The following DENND1A variants were observed in gnomAD, a reference collection of about 807,000 sequenced individuals.
DENND1A encodes DENN domain-containing protein 1A.
A neutral mutation model predicts 113.7 loss-of-function variants in DENND1A; 51 were observed. The observed-to-expected ratio is 0.45, with a 90% CI of 0.36 to 0.57. The LOEUF is 0.57. Among genes scored for constraint, DENND1A ranks in the 20% least tolerant of loss-of-function variants. The probability of loss-of-function intolerance (pLI) is 0.00; values close to 1 mark genes in which losing one functional copy is unlikely to be tolerated. For synonymous variants in DENND1A, 565 were observed against 570.8 expected, an observed-to-expected ratio of 0.99 and a Z score of 0.14; for missense variants, 1,258 against 1,395.9, an observed-to-expected ratio of 0.90 and a Z score of 1.57.
chr9:123,899,105 C>T (rs770688952), intron 1 of DENND1A, among the ~76,000 whole-genome samples: 46 of 152,306 alleles, frequency 3.0e-4, no homozygotes, highest in Non-Finnish European at 5.1e-4. Flanking sequence ...CTTATTCATT[C>T]ATGCCCATAA....
intron 13 of DENND1A, among the ~76,000 whole-genome samples, chr9:123,465,929 A>G (rs894064929): frequency 6.6e-6 from 1 of 152,210 alleles, no homozygotes; most frequent in African/African-American, 2.4e-5. Context: ...GCATTTATAC[A>G]TTTGTATTTT....
At chr9:123,487,572 C>T (rs1351641587) in intron 13 of DENND1A, among the ~76,000 whole-genome samples, 1 of 152,224 alleles carries the variant, frequency 6.6e-6, no homozygotes, top group Admixed American at 6.5e-5. Context: ...CCTGTGGACA[C>T]TTTCTTGTCC....
At chr9:123,909,344 A>T in intron 1 of DENND1A, among the ~76,000 whole-genome samples, 1 of 150,972 alleles carries the variant, frequency 6.6e-6, no homozygotes, top group East Asian at 1.9e-4. Context: ...AACTTAAAGT[A>T]TAAAAAATAA....
intron 5 of DENND1A, among the ~76,000 whole-genome samples, chr9:123,678,062 C>T (rs995680388): frequency 2.0e-5 from 3 of 152,186 alleles, no homozygotes; most frequent in African/African-American, 7.2e-5. Flanking sequence ...CCTCCCCATC[C>T]CCACTTCATG....
intron 11 of DENND1A, among the ~76,000 whole-genome samples, chr9:123,594,407 C>T (rs2137147724): frequency 6.6e-6 from 1 of 152,210 alleles, no homozygotes; most frequent in East Asian, 1.9e-4. Context: ...GGTAAAATAA[C>T]TCGTCGGAAA....
chr9:123,852,458 T>A (rs758690813), intron 2 of DENND1A, among the ~76,000 whole-genome samples: 1 of 152,194 alleles, frequency 6.6e-6, no homozygotes, highest in Non-Finnish European at 1.5e-5. Flanking sequence ...TGGCTACTGG[T>A]TGACTATTTA....
chr9:123,454,346 T>C (rs770236304), intron 16 of DENND1A, among the ~76,000 whole-genome samples: 7 of 152,250 alleles, frequency 4.6e-5, no homozygotes, highest in Non-Finnish European at 7.3e-5. Context: ...CTCCCAGTGA[T>C]GTGTTCCCCA....
At position 123,764,924 on chromosome 9, in the gene DENND1A, G is replaced by T. The variant is rs2131549337; in HGVS notation, c.182+4590C>A. Among the ~76,000 whole-genome samples, 1 of 152,250 alleles carries T rather than the reference G, an allele frequency of 6.6e-6. No homozygotes were observed. Among genetic ancestry groups the T allele is most frequent in the Non-Finnish European group, 1.5e-5 (1 of 68,030 alleles). ...CAGCTGCTTCGTTGTCATCAACACT[G>T]TAGAAAATAATCATGGGGCACAGCT... On this transcript the variant is annotated intron_variant, in intron 4 of 23. Transcript: ENST00000394215. The surrounding 1 kb of genome is among the most constrained non-coding windows in gnomAD (Gnocchi z 4.1).
chr9:123,528,477 A>G (rs1477590569), intron 13 of DENND1A, among the ~76,000 whole-genome samples: 1 of 152,198 alleles, frequency 6.6e-6, no homozygotes. Flanking sequence ...CTAGAATTTT[A>G]GAAGTTATCC....
intron 2 of DENND1A, among the ~76,000 whole-genome samples, chr9:123,852,476 C>T (rs547625451): frequency 6.6e-6 from 1 of 152,316 alleles, no homozygotes; most frequent in East Asian, 1.9e-4. Context: ...TTATTTCCCT[C>T]ATCAGATGTA....
rs545740042 is a variant in DENND1A at position 123,413,622 on chromosome 9, G to A, written c.1489-1793C>T. ...GGGACTTGGTGGAGGGTTCCCTGGC[G>A]GCACATGGAGAACACGATGGGATAG... On this transcript the variant is annotated intron_variant, in intron 19 of 23. Transcript: ENST00000394215. 36 of 985,514 alleles carry A rather than the reference G, an allele frequency of 3.7e-5. No individual in the cohort carries two copies. The South Asian group carries it at 1.3e-3, about 36-fold the overall frequency. 61.0% of individuals were successfully genotyped at this position (985,514 alleles called of 1,614,324 possible). A position where few individuals can be genotyped will look rare whatever the true frequency, so the allele number is the denominator to read the frequency against.
intron 2 of DENND1A, among the ~76,000 whole-genome samples, chr9:123,859,900 T>A (rs1844815835): frequency 6.6e-6 from 1 of 152,116 alleles, no homozygotes; most frequent in Admixed American, 6.5e-5. Context: ...ATGGAAGACC[T>A]CATTTGCCCT....
At chr9:123,913,710 A>G (rs998030702) in intron 1 of DENND1A, among the ~76,000 whole-genome samples, 3 of 151,914 alleles carry the variant, frequency 2.0e-5, no homozygotes, top group Non-Finnish European at 2.9e-5. Context: ...GTTCGAGACT[A>G]GCCTGACCAA....
intron 5 of DENND1A, among the ~76,000 whole-genome samples, chr9:123,681,913 G>A (rs1463305925): frequency 6.6e-6 from 1 of 150,498 alleles, no homozygotes; most frequent in East Asian, 1.9e-4. Context: ...GCTGTGTTGG[G>A]TTAGGAAAAA....
At chr9:123,502,903 C>T (rs963252331) in intron 13 of DENND1A, among the ~76,000 whole-genome samples, 4 of 152,196 alleles carry the variant, frequency 2.6e-5, no homozygotes, top group African/African-American at 9.6e-5. Flanking sequence ...ACATGAATAA[C>T]TTTCTAAAAA....
At position 123,711,513 on chromosome 9, in the gene DENND1A, G is replaced by GTATATATATATA. The variant is rs56814463; in HGVS notation, c.303-34736_303-34725dup. Reference sequence around the variant, plus strand: ...TATATATATATATATATGTATATATGTATATATATATATATATATATATAT... The same window carrying GTATATATATATA: ...TATATATATATATATATGTATATATGTATATATATATATATATATATATATATATATATATAT... On this transcript the variant is annotated intron_variant, in intron 5 of 23. Transcript: ENST00000394215. Among the ~76,000 whole-genome samples the GTATATATATATA allele has an allele frequency of 8.7e-3, 1,050 of 120,588 alleles. 8 individuals carry two copies. Among genetic ancestry groups the GTATATATATATA allele is most frequent in the Non-Finnish European group, 0.014 (809 of 59,096 alleles). The allele number at this position is 120,588 out of a possible 152,430, so 79.1% of individuals were successfully genotyped here. A position where few individuals can be genotyped will look rare whatever the true frequency, so the allele number is the denominator to read the frequency against.
intron 11 of DENND1A, among the ~76,000 whole-genome samples, chr9:123,591,743 GGCA>G (rs1365548681): frequency 5.3e-5 from 8 of 152,234 alleles, no homozygotes; most frequent in Non-Finnish European, 1.0e-4. Flanking sequence ...AGGTCTGCCT[GGCA>G]GCAGATGTCA....
rs149487496 is a variant in DENND1A, at chr9:123,565,089, T to A, written c.868-7394A>T. 7.3e-4 allele frequency among the ~76,000 whole-genome samples: 109 copies of A among 149,996 alleles called. No individual in the cohort carries two copies. In the East Asian group the frequency reaches 0.021, roughly 28 times the overall value. ...TCACTGCAACCTCCGCTTCCTGGGT[T>A]CAAGCAATTCTCCTGCCTCAGCCTC... On this transcript the variant is annotated intron_variant, in intron 12 of 23. Transcript: ENST00000394215.
chr9:123,553,950 A>T (rs1439968568), intron 13 of DENND1A, among the ~76,000 whole-genome samples: 1 of 152,064 alleles, frequency 6.6e-6, no homozygotes, highest in African/African-American at 2.4e-5. Flanking sequence ...TAGAGACAGG[A>T]TGTCACCACG....
Sources: allele counts gnomAD v4.1 joint callset (sites outside exome capture counted in the v4.1 genomes callset), GRCh38; gene constraint gnomAD v4.1.1; non-coding constraint Gnocchi (gnomAD v3.1); transcripts MANE v1.5; gene names NCBI Gene and HGNC (gene_info 2026-07-23, HGNC 2026-07-21).